Variants in SKAP2 observed in about 807,000 individuals in gnomAD.
SKAP2 encodes src kinase associated phosphoprotein 2, also known as src kinase-associated phosphoprotein 2.
A neutral mutation model predicts 54.9 loss-of-function variants in SKAP2; 28 were observed. The observed-to-expected ratio is 0.51, with a 90% CI of 0.38 to 0.70. The LOEUF (loss-of-function observed/expected upper bound fraction) is 0.70. SKAP2 is among the 30% of genes least tolerant of loss of function. SKAP2 has a pLI of 0.00. For missense variants in SKAP2, 356 were observed against 424.1 expected, an observed-to-expected ratio of 0.84 and a Z score of 1.41; for synonymous variants, 137 against 134.3, an observed-to-expected ratio of 1.02 and a Z score of -0.14.
chr7:26,659,127 T>C, the SKAP2 span, among the ~76,000 whole-genome samples: 1 of 152,202 alleles, frequency 6.6e-6, no homozygotes, highest in Non-Finnish European at 1.5e-5. Flanking sequence ...AAGGAAATTA[T>C]TGCATTTTGC....
Position 26,830,981 on chromosome 7 carries a change from T to C in SKAP2, c.307+13049A>G, listed in dbSNP as rs572825354. Among the ~76,000 whole-genome samples, 3 of 152,306 alleles carry C rather than the reference T, an allele frequency of 2.0e-5. No individual in the cohort carries two copies. The South Asian group carries it at 6.2e-4, about 32-fold the overall frequency. On this transcript the variant is annotated intron_variant, in intron 4 of 12. Coordinates refer to ENST00000345317, the MANE Select transcript of SKAP2 (RefSeq NM_003930.5). The stretch of plus-strand genomic sequence containing the variant: ...GGATTTGTTATTGTCTTTAGCATTA[T>C]ACCATTCAGTTCTTGAATGAGAATT...
Position 26,820,955 on chromosome 7 carries a change from C to G in SKAP2, c.307+23075G>C, listed in dbSNP as rs912960031. Among the ~76,000 whole-genome samples the G allele has an allele frequency of 3.9e-5, 6 of 152,220 alleles. 1 individual carries two copies. The highest frequency in any genetic ancestry group is 1.9e-4 in the East Asian group (1 of 5,186). ...AATCTTTTGAAATACTATTAATTAT[C>G]CCTAATTTTACAAATTAAGAAACTA... On this transcript the variant is annotated intron_variant, in intron 4 of 12. Coordinates refer to ENST00000345317, the MANE Select transcript of SKAP2 (RefSeq NM_003930.5).
chr7:26,857,481 C>T (rs1015653912), intron 1 of SKAP2: 37 of 985,210 alleles, frequency 3.8e-5, no homozygotes, highest in Non-Finnish European at 3.7e-5. Flanking sequence ...TGAAACCAGC[C>T]TCTTCCAGGC....
intron 4 of SKAP2, among the ~76,000 whole-genome samples, chr7:26,750,236 G>A (rs1782652346): frequency 6.6e-6 from 1 of 151,338 alleles, no homozygotes; most frequent in African/African-American, 2.4e-5. Flanking sequence ...AGTTCCCTAA[G>A]TGTAACATGA....
intron 10 of SKAP2, 127 bp downstream of exon 10, chr7:26,690,158 G>A: frequency 1.5e-6 from 1 of 665,008 alleles, no homozygotes; most frequent in Non-Finnish European, 2.7e-6. Flanking sequence ...TCAGCCATAA[G>A]ATATCCAAGC....
At chr7:26,784,155 T>C (rs1018020548) in intron 4 of SKAP2, among the ~76,000 whole-genome samples, 1 of 151,642 alleles carries the variant, frequency 6.6e-6, no homozygotes, top group Non-Finnish European at 1.5e-5. Flanking sequence ...TAAACGAGTC[T>C]CATCAGAACT....
chr7:26,726,670 C>A, intron 7 of SKAP2: 1 of 392,146 alleles, frequency 2.6e-6, no homozygotes, highest in Non-Finnish European at 4.5e-6. Flanking sequence ...TATATATTCT[C>A]TTTATCTTTT....
intron 4 of SKAP2, among the ~76,000 whole-genome samples, chr7:26,753,652 C>T (rs1782731446): frequency 1.3e-5 from 2 of 152,102 alleles, no homozygotes; most frequent in Non-Finnish European, 1.5e-5. Context: ...GAAAGAGAGG[C>T]TGTCATAATA....
chr7:26,698,968 T>C (rs890717359), intron 9 of SKAP2, among the ~76,000 whole-genome samples: 1 of 152,138 alleles, frequency 6.6e-6, no homozygotes, highest in South Asian at 2.1e-4. Flanking sequence ...TTTTCTTAGG[T>C]TGTGTCATAG....
chr7:26,669,235 A>G lies in SKAP2; in HGVS notation c.*431T>C, dbSNP rs1022996480. On this transcript the variant is annotated 3_prime_UTR_variant, in exon 13 of 13. Transcript: ENST00000345317. Reference sequence around the variant, plus strand: ...CTACCAAAAAAAACTCGCATGATACACTAAATTTAAAATGCTATGAAATTA... The same window carrying G: ...CTACCAAAAAAAACTCGCATGATACGCTAAATTTAAAATGCTATGAAATTA... 3.3e-5 allele frequency: 5 copies of G among 152,186 alleles called. No homozygotes were observed. The allele number at this position is 152,186 out of a possible 1,614,324, so 9.4% of individuals were successfully genotyped here.
At chr7:26,727,922 G>C (rs568735859) in intron 6 of SKAP2, among the ~76,000 whole-genome samples, 1 of 152,024 alleles carries the variant, frequency 6.6e-6, no homozygotes, top group Non-Finnish European at 1.5e-5. Context: ...TACTGAGCTC[G>C]GGGCAAATAC....
intron 4 of SKAP2, among the ~76,000 whole-genome samples, chr7:26,758,037 G>A (rs4573150): frequency 0.57 from 86,770 of 152,102 alleles, 25,235 homozygotes; most frequent in East Asian, 0.88. Flanking sequence ...CTGGGATTAC[G>A]GGCGTAAGCC....
chr7:26,667,693 A>G lies in SKAP2; in HGVS notation c.*1973T>C, dbSNP rs1254306283. 1 of 152,628 alleles carries G rather than the reference A, an allele frequency of 6.6e-6. No individual in the cohort carries two copies. Among genetic ancestry groups the G allele is most frequent in the East Asian group, 1.9e-4 (1 of 5,192 alleles). 9.5% of individuals were successfully genotyped at this position (152,628 alleles called of 1,614,324 possible). ...GGCAGAAATCTAGATGCTTTCCATC[A>G]TGGGCGAGTTTGTGCCATGGGGGAA... On this transcript the variant is annotated 3_prime_UTR_variant, in exon 13 of 13. Transcript: ENST00000345317.
chr7:26,823,637 G>A (rs1299013245), intron 4 of SKAP2, among the ~76,000 whole-genome samples: 2 of 152,084 alleles, frequency 1.3e-5, no homozygotes, highest in Admixed American at 6.5e-5. Flanking sequence ...GCAGAGGTTG[G>A]TTCATGAGGT....
Position 26,805,370 on chromosome 7 carries a change from A to C in SKAP2, c.307+38660T>G, listed in dbSNP as rs1439395475. On this transcript the variant is annotated intron_variant, in intron 4 of 12. Transcript: ENST00000345317. ...TGCTGATTTTAAAATGAGTTCACAAATTCCTTAACACTCCTCCTTCGAAAG... is the reference window on the plus strand; with the variant it reads ...TGCTGATTTTAAAATGAGTTCACAACTTCCTTAACACTCCTCCTTCGAAAG... Among the ~76,000 whole-genome samples, 4 of 152,170 alleles carry C rather than the reference A, an allele frequency of 2.6e-5. No individual in the cohort carries two copies. The East Asian group carries it at 7.7e-4, about 29-fold the overall frequency.
chr7:26,728,580 T>A (rs574993370), intron 6 of SKAP2, among the ~76,000 whole-genome samples: 1 of 152,204 alleles, frequency 6.6e-6, no homozygotes, highest in South Asian at 2.1e-4. Flanking sequence ...GACTAAATCA[T>A]TCACTCACTC....
chr7:26,685,364 C>A (rs1786612053), intron 10 of SKAP2, among the ~76,000 whole-genome samples: 1 of 151,864 alleles, frequency 6.6e-6, no homozygotes, highest in Admixed American at 6.6e-5. Context: ...AAATACTAAA[C>A]CCTAGAGCTG....
intron 10 of SKAP2, among the ~76,000 whole-genome samples, chr7:26,689,580 G>C (rs1786734348): frequency 6.6e-6 from 1 of 152,128 alleles, no homozygotes; most frequent in African/African-American, 2.4e-5. Context: ...TAGCCTTTTA[G>C]GCCACTAGTG....
At chr7:26,690,917 C>T (rs968495939) in intron 9 of SKAP2, among the ~76,000 whole-genome samples, 4 of 152,108 alleles carry the variant, frequency 2.6e-5, no homozygotes, top group East Asian at 3.8e-4. Context: ...TAATTTCATA[C>T]GTTTTCTCAA....
Sources: allele counts gnomAD v4.1 joint callset (sites outside exome capture counted in the v4.1 genomes callset), GRCh38; gene constraint gnomAD v4.1.1; transcripts MANE v1.5; gene names NCBI Gene and HGNC (gene_info 2026-07-23, HGNC 2026-07-21).